Variants in RBFOX1 observed in about 807,000 individuals in gnomAD.
The protein encoded by RBFOX1 is RNA binding fox-1 homolog 1, also known as RNA binding protein fox-1 homolog 1.
RBFOX1 carries 8 observed loss-of-function variants against 57.7 expected under a neutral mutation model. The ratio of observed to expected loss-of-function variants is 0.14; its 90% CI spans 0.08 to 0.25. RBFOX1 has a LOEUF of 0.25. Ranked by LOEUF, RBFOX1 falls within the 10% of genes least tolerant of loss-of-function variation. RBFOX1 has a pLI of 1.00. For missense variants in RBFOX1, 611 were observed against 548.5 expected (o/e 1.11, Z -1.14); for synonymous variants, 326 against 222.4 (o/e 1.47, Z -4.15).
At chr16:6,939,435 T>C (rs1208241636) in intron 3 of RBFOX1, among the ~76,000 whole-genome samples, 1 of 151,950 alleles carries the variant, frequency 6.6e-6, no homozygotes, top group South Asian at 2.1e-4. Flanking sequence ...ATAGTAGACA[T>C]CTGTTTTTAT....
chr16:6,953,344 A>G (rs967227716), intron 3 of RBFOX1, among the ~76,000 whole-genome samples: 3 of 151,786 alleles, frequency 2.0e-5, no homozygotes, highest in East Asian at 1.9e-4. Context: ...ACTTAATAAC[A>G]TAGAGATCAC....
chr16:7,158,505 G>A (rs918110849), intron 4 of RBFOX1, among the ~76,000 whole-genome samples: 1 of 152,000 alleles, frequency 6.6e-6, no homozygotes, highest in African/African-American at 2.4e-5. Flanking sequence ...TACTCCTGTG[G>A]GATGTATGTT....
At chr16:5,420,108 G>A (rs1333978358) in intron 1 of RBFOX1, among the ~76,000 whole-genome samples, 1 of 152,212 alleles carries the variant, frequency 6.6e-6, no homozygotes, top group African/African-American at 2.4e-5. Flanking sequence ...TGCCAGGTCT[G>A]CAGTAATTTG....
intron 3 of RBFOX1, among the ~76,000 whole-genome samples, chr16:6,975,458 G>A (rs1411528865): frequency 1.3e-5 from 2 of 151,958 alleles, no homozygotes; most frequent in Admixed American, 6.6e-5. Flanking sequence ...GTGGAGATGG[G>A]GTTTCACCAT....
intron 2 of RBFOX1, among the ~76,000 whole-genome samples, chr16:6,478,406 T>C (rs1272440309): frequency 1.1e-3 from 20 of 18,862 alleles, no homozygotes; most frequent in African/African-American, 6.3e-3. Context: ...TATATATATA[T>C]ATATATATAT....
At chr16:7,212,682 G>A (rs1476480399) in intron 4 of RBFOX1, among the ~76,000 whole-genome samples, 1 of 152,046 alleles carries the variant, frequency 6.6e-6, no homozygotes, top group Non-Finnish European at 1.5e-5. Flanking sequence ...TAGTTATTAG[G>A]AATAACTTAC....
chr16:7,495,467 C>A (rs537473348), intron 4 of RBFOX1, among the ~76,000 whole-genome samples: 3 of 152,190 alleles, frequency 2.0e-5, no homozygotes, highest in African/African-American at 7.2e-5. Context: ...TTCTCTGCAG[C>A]CTCACCAGCA....
At position 5,494,238 on chromosome 16, in the gene RBFOX1, A is replaced by G. The variant is rs113517246; in HGVS notation, c.258+26984A>G. ...TCCTTGGCGGATGCTACCCTCATCC[A>G]GAAACCTTGTTCCCAAAGTCTAGAC... On this transcript the variant is annotated intron_variant, in intron 2 of 2. Coordinates refer to the RBFOX1 transcript ENST00000585867. Among the ~76,000 whole-genome samples, 1,330 of 152,344 alleles carry G rather than the reference A, an allele frequency of 8.7e-3. 21 individuals are homozygous for G. Among genetic ancestry groups the G allele is most frequent in the African/African-American group, 0.03 (1,248 of 41,588 alleles).
chr16:6,527,653 T>G (rs2096599926), intron 2 of RBFOX1, among the ~76,000 whole-genome samples: 1 of 152,176 alleles, frequency 6.6e-6, no homozygotes. Context: ...TGGTCTTGAT[T>G]GTGTTCAAAG....
intron 2 of RBFOX1, among the ~76,000 whole-genome samples, chr16:6,586,703 C>G (rs75932543): frequency 1.3e-5 from 2 of 152,234 alleles, no homozygotes; most frequent in East Asian, 3.9e-4. Context: ...TTACATCATC[C>G]CAGCTCAGGA....
chr16:5,491,684 C>G (rs1004619460), intron 2 of RBFOX1, among the ~76,000 whole-genome samples: 1 of 152,200 alleles, frequency 6.6e-6, no homozygotes, highest in African/African-American at 2.4e-5. Flanking sequence ...CAGCCATGAG[C>G]TAGACTTTGC....
intron 1 of RBFOX1, among the ~76,000 whole-genome samples, chr16:6,144,465 G>T (rs2096742552): frequency 6.6e-6 from 1 of 152,144 alleles, no homozygotes. Flanking sequence ...CTTCTGTCAG[G>T]CTTTGGAGCT....
intron 2 of RBFOX1, among the ~76,000 whole-genome samples, chr16:6,616,014 C>G (rs1365325879): frequency 6.6e-6 from 1 of 152,156 alleles, no homozygotes; most frequent in African/African-American, 2.4e-5. Flanking sequence ...TATATAGACG[C>G]AGGGACACTG....
chr16:6,265,129 A>G (rs1024542929), intron 1 of RBFOX1, among the ~76,000 whole-genome samples: 1 of 151,848 alleles, frequency 6.6e-6, no homozygotes, highest in African/African-American at 2.4e-5. Flanking sequence ...ATCTGGGGCT[A>G]TTTTCTAGAT....
chr16:6,426,832 G>C (rs1215418248), intron 2 of RBFOX1, among the ~76,000 whole-genome samples: 2 of 152,138 alleles, frequency 1.3e-5, no homozygotes, highest in Non-Finnish European at 2.9e-5. Context: ...ATGTCTCCTG[G>C]GTTCTGCCCA....
chr16:6,359,628 C>T (rs116156613), intron 2 of RBFOX1, among the ~76,000 whole-genome samples: 94 of 152,312 alleles, frequency 6.2e-4, no homozygotes, highest in African/African-American at 2.1e-3. Flanking sequence ...AAACATCAGA[C>T]CAACATGTCC....
intron 3 of RBFOX1, among the ~76,000 whole-genome samples, chr16:6,953,768 G>A (rs997844688): frequency 6.6e-6 from 1 of 152,106 alleles, no homozygotes; most frequent in Non-Finnish European, 1.5e-5. Flanking sequence ...GCATTTCATA[G>A]GCTTGTCTTT....
At chr16:7,108,384 C>G (rs138553219) in intron 4 of RBFOX1, among the ~76,000 whole-genome samples, 17 of 152,248 alleles carry the variant, frequency 1.1e-4, no homozygotes, top group African/African-American at 4.1e-4. Flanking sequence ...AAAACATGTA[C>G]AAGTTGAAGT....
chr16:5,368,976 G>C (rs190640114), intron 1 of RBFOX1, among the ~76,000 whole-genome samples: 1 of 152,282 alleles, frequency 6.6e-6, no homozygotes, highest in African/African-American at 2.4e-5. Flanking sequence ...ATTTTCAAAA[G>C]CATTGAAGAA....
Sources: gnomAD v4.1 joint callset for allele counts (sites outside exome capture counted in the v4.1 genomes callset) on GRCh38, gnomAD v4.1.1 for gene constraint, MANE v1.5 for transcripts, NCBI Gene and HGNC (gene_info 2026-07-23, HGNC 2026-07-21) for gene names.